The following ERC2 variants were observed in gnomAD, a reference collection of about 807,000 sequenced individuals.
ERC2 encodes ERC protein 2.
ERC2 carries 42 observed loss-of-function variants against 114.8 expected under a neutral mutation model. The ratio of observed to expected loss-of-function variants is 0.37; its 90% confidence interval spans 0.29 to 0.47. ERC2 has a LOEUF of 0.47. Among genes scored for constraint, ERC2 ranks in the 20% least tolerant of loss-of-function variants. The pLI is 0.99. For synonymous variants in ERC2, 454 were observed against 425.5 expected, an observed-to-expected ratio of 1.07 and a Z score of -0.82; for missense variants, 939 against 1,150.7, an observed-to-expected ratio of 0.82 and a Z score of 2.66.
intron 6 of ERC2, among the ~76,000 whole-genome samples, chr3:56,091,199 G>A: frequency 6.6e-6 from 1 of 152,088 alleles, no homozygotes; most frequent in Non-Finnish European, 1.5e-5. Flanking sequence ...GTCACAACTA[G>A]GATGGAGGTG....
rs978896454 is a variant in ERC2 at position 56,048,782 on chromosome 3, G to A, written c.1642-29751C>T. Among the ~76,000 whole-genome samples the A allele has an allele frequency of 7.2e-5, 11 of 152,128 alleles. No individual in the cohort carries two copies. In the South Asian group the frequency reaches 1.5e-3, roughly 20 times the overall value. On this transcript the variant is annotated intron_variant, in intron 7 of 17. Transcript: ENST00000288221. ...TGCCTCTGTAGAGCTTGTGTACAACGGGGGACACAGTCAATAAACAAGTCA... is the reference window on the plus strand; with the variant it reads ...TGCCTCTGTAGAGCTTGTGTACAACAGGGGACACAGTCAATAAACAAGTCA...
At chr3:56,448,481 C>A (rs6785094) in intron 1 of ERC2, among the ~76,000 whole-genome samples, 126,988 of 152,124 alleles carry the variant, frequency 0.83, 53,312 homozygotes, top group East Asian at 0.94. Flanking sequence ...ACATTGTGGC[C>A]GGAGGAAGGC....
chr3:55,774,717 C>A (rs761795802), intron 14 of ERC2, among the ~76,000 whole-genome samples: 91 of 152,214 alleles, frequency 6.0e-4, no homozygotes, highest in Non-Finnish European at 1.1e-3. Context: ...CCCAGGCAGG[C>A]TTTCCTTAGC....
At chr3:56,117,003 C>T (rs147215297) in intron 6 of ERC2, among the ~76,000 whole-genome samples, 158 of 152,284 alleles carry the variant, frequency 1.0e-3, no homozygotes, top group Non-Finnish European at 1.7e-3. Flanking sequence ...CTTAATCATA[C>T]CTGTTTTACA....
intron 7 of ERC2, among the ~76,000 whole-genome samples, chr3:56,042,954 T>C (rs1279338332): frequency 5.3e-5 from 8 of 152,176 alleles, no homozygotes; most frequent in Admixed American, 5.2e-4. Context: ...AATGATGGAA[T>C]GGCAGGCAAA....
intron 17 of ERC2, among the ~76,000 whole-genome samples, chr3:55,632,925 G>A (rs2059814412): frequency 6.6e-6 from 1 of 152,194 alleles, no homozygotes; most frequent in Non-Finnish European, 1.5e-5. Flanking sequence ...AACCACAAGT[G>A]TTCAAATTCC....
chr3:56,026,451 A>G (rs539118190), intron 7 of ERC2, among the ~76,000 whole-genome samples: 2 of 152,238 alleles, frequency 1.3e-5, no homozygotes, highest in South Asian at 4.1e-4. Context: ...GACTATTTAG[A>G]AGGCAACATA....
intron 2 of ERC2, among the ~76,000 whole-genome samples, chr3:56,431,405 C>G (rs932538108): frequency 6.6e-6 from 1 of 152,216 alleles, no homozygotes; most frequent in Non-Finnish European, 1.5e-5. Context: ...CATCTCCAGT[C>G]ACTCTCCTCC....
intron 2 of ERC2, among the ~76,000 whole-genome samples, chr3:56,405,623 GGA>G (rs2107017725): frequency 6.8e-6 from 1 of 147,298 alleles, no homozygotes; most frequent in Admixed American, 7.0e-5. Flanking sequence ...ATAGATGGAT[GGA>G]GATAGATAGA....
At chr3:56,008,086 T>C (rs1452137712) in intron 9 of ERC2, among the ~76,000 whole-genome samples, 1 of 152,178 alleles carries the variant, frequency 6.6e-6, no homozygotes, top group South Asian at 2.1e-4. Context: ...TCATCAAATA[T>C]GAAATAGCAA....
At chr3:56,451,955 G>C (rs958727887) in intron 1 of ERC2, among the ~76,000 whole-genome samples, 3 of 152,148 alleles carry the variant, frequency 2.0e-5, no homozygotes, top group African/African-American at 7.2e-5. Flanking sequence ...CAGATGGAGA[G>C]AGTCCTATGG....
intron 2 of ERC2, among the ~76,000 whole-genome samples, chr3:56,333,896 C>T (rs866326445): frequency 5.9e-5 from 9 of 152,154 alleles, no homozygotes; most frequent in African/African-American, 1.9e-4. Context: ...CTAACTCCAG[C>T]CACTCTTGGG....
intron 14 of ERC2, among the ~76,000 whole-genome samples, chr3:55,888,169 G>T (rs1488616381): frequency 1.3e-5 from 2 of 152,074 alleles, no homozygotes; most frequent in African/African-American, 4.8e-5. Context: ...TCTAGTGCTG[G>T]ATCTATATTT....
chr3:55,912,712 T>TC (rs2064878083), intron 13 of ERC2, among the ~76,000 whole-genome samples: 1 of 152,020 alleles, frequency 6.6e-6, no homozygotes, highest in Non-Finnish European at 1.5e-5. Flanking sequence ...CATGGGCTCT[T>TC]TTTTTCTATT....
chr3:55,742,989 T>C lies in ERC2; in HGVS notation c.2565-8071A>G, dbSNP rs9882404. 5.5e-3 allele frequency among the ~76,000 whole-genome samples: 845 copies of C among 152,308 alleles called. 9 individuals are homozygous for C. Among genetic ancestry groups the C allele is most frequent in the African/African-American group, 0.02 (818 of 41,564 alleles). ...ATATTTGAACAAGCATGAGTTTCAG[T>C]AAGGACAAAGAACAGACCAGATTCG... is the stretch of plus-strand genomic sequence containing the variant. On this transcript the variant is annotated intron_variant, in intron 14 of 17. Transcript: ENST00000288221.
rs1318263302 is a variant in ERC2, at chr3:56,446,625, C to CTTTTTTTTTTTTTTTT, written c.-140-11479_-140-11478insAAAAAAAAAAAAAAAA. Among the ~76,000 whole-genome samples the CTTTTTTTTTTTTTTTT allele has an allele frequency of 4.1e-4, 46 of 112,328 alleles. 2 individuals are homozygous for CTTTTTTTTTTTTTTTT. The highest frequency in any genetic ancestry group is 4.4e-4 in the Non-Finnish European group (25 of 56,650). 73.7% of individuals were successfully genotyped at this position (112,328 alleles called of 152,430 possible). ...CGCATTTTCTTCTTTTTTTTTTTTT[C>CTTTTTTTTTTTTTTTT]TTTCTTTTTTTTTTTTTTGAGACGG... On this transcript the variant is annotated intron_variant, in intron 1 of 17. Transcript: ENST00000288221.
In ERC2 at chr3:55,819,377, C is replaced by T. The variant is rs188423929; in HGVS notation, c.2564+69012G>A. Among the ~76,000 whole-genome samples the T allele has an allele frequency of 4.6e-5, 7 of 152,238 alleles. No homozygotes were observed. The South Asian group carries it at 8.3e-4, about 18-fold the overall frequency. Reference sequence around the variant, plus strand: ...GTAAAATCAGATAATGATGGTTTTTCGCCTTTCTGTTGAGCAAATATCCTC... The same window carrying T: ...GTAAAATCAGATAATGATGGTTTTTTGCCTTTCTGTTGAGCAAATATCCTC... On this transcript the variant is annotated intron_variant, in intron 14 of 17. Coordinates refer to ENST00000288221, the MANE Select transcript of ERC2 (RefSeq NM_015576.3).
rs769914231 is a variant in ERC2 at position 55,720,131 on chromosome 3, CTCT to C, written c.2712+14637_2712+14639del. On this transcript the variant is annotated intron_variant, in intron 15 of 17. Coordinates refer to ENST00000288221, the MANE Select transcript of ERC2 (RefSeq NM_015576.3). ...CTCCTCCTCCTCCTCCTTCTTCTTC[CTCT>C]TCTTCTTCCTCTTCTTCTTCTTCTT... 4.1e-4 allele frequency among the ~76,000 whole-genome samples: 4 copies of C among 9,760 alleles called. 1 individual carries two copies. Among genetic ancestry groups the C allele is most frequent in the African/African-American group, 1.9e-3 (3 of 1,546 alleles). 6.4% of individuals were successfully genotyped at this position (9,760 alleles called of 152,430 possible).
chr3:55,688,977 C>T (rs2062483983), intron 16 of ERC2, among the ~76,000 whole-genome samples: 1 of 152,168 alleles, frequency 6.6e-6, no homozygotes, highest in Non-Finnish European at 1.5e-5. Flanking sequence ...GTTTATTCTT[C>T]TACACCCCAG....
Sources: gnomAD v4.1 joint callset for allele counts (sites outside exome capture counted in the v4.1 genomes callset) on GRCh38, gnomAD v4.1.1 for gene constraint, MANE v1.5 for transcripts, NCBI Gene and HGNC (gene_info 2026-07-23, HGNC 2026-07-21) for gene names.